The following BTK variants were observed in gnomAD, a reference collection of about 807,000 sequenced individuals.
The protein encoded by BTK is Bruton tyrosine kinase.
BTK carries 5 observed loss-of-function variants against 57.4 expected under a neutral mutation model. The ratio of observed to expected loss-of-function variants is 0.09; its 90% CI spans 0.05 to 0.18. BTK has a LOEUF of 0.18. Ranked by LOEUF, BTK falls within the 10% of genes least tolerant of loss-of-function variation. BTK has a pLI of 1.00. For synonymous variants in BTK, 154 were observed against 174.3 expected, an observed-to-expected ratio of 0.88 and a Z score of 0.92; for missense variants, 194 against 501.2, an observed-to-expected ratio of 0.39 and a Z score of 5.85.
At chrX:101,362,780 C>T (rs782609526) in intron 5 of BTK, 91 bp from the exon 6 acceptor site, 2 of 1,159,845 alleles carry the variant, frequency 1.7e-6, no homozygotes, top group East Asian at 6.0e-5. Flanking sequence ...TGGTGAACTT[C>T]AAGCAACTGC....
rs1308290485 is a variant in BTK at position 101,374,993 on chromosome X, T to C, written c.141+151A>G. 10 of 660,413 alleles carry C rather than the reference T, an allele frequency of 1.5e-5. No individual in the cohort carries two copies. The African/African-American group carries it at 2.0e-4, about 13-fold the overall frequency. The allele number at this position is 660,413 out of a possible 1,213,427, so 54.4% of individuals were successfully genotyped here. A position where few individuals can be genotyped will look rare whatever the true frequency, so the allele number is the denominator to read the frequency against. On this transcript the variant is annotated intron_variant, in intron 2 of 18. Coordinates refer to ENST00000308731, the MANE Select transcript of BTK (RefSeq NM_000061.3). ...TTGACTTTCCGGCTTTAGCTAGTTA[T>C]AGGCTAGGAAATATTTTGCTGAATT...
intron 5 of BTK, among the ~76,000 whole-genome samples, chrX:101,365,502 G>T (rs1024928273): frequency 8.9e-6 from 1 of 112,025 alleles, no homozygotes; most frequent in Non-Finnish European, 1.9e-5. Flanking sequence ...CTTAGGACAG[G>T]ATTGCAAAAG....
intron 15 of BTK, chrX:101,355,735 TC>T (rs1350830809): frequency 8.2e-5 from 28 of 340,820 alleles, no homozygotes; most frequent in African/African-American, 7.4e-4. Flanking sequence ...CCAGGAGCAG[TC>T]CCATTGGGAA....
upstream of BTK, among the ~76,000 whole-genome samples, chrX:101,386,888 A>G (rs1927625321): frequency 8.9e-6 from 1 of 111,866 alleles, no homozygotes; most frequent in African/African-American, 3.3e-5. Context: ...AAACCGGTAA[A>G]GCAGACTAGG....
rs782729119 is a variant in BTK, at chrX:101,367,728, G to T, written c.391+2270C>A. On this transcript the variant is annotated intron_variant, in intron 5 of 18. Transcript: ENST00000308731. ...ATGACTGGTTTTGAAATTAGTATAT[G>T]AAGTGTAAAGAAGTTACCAACTTGA... Among the ~76,000 whole-genome samples the T allele has an allele frequency of 6.3e-5, 7 of 111,291 alleles. No homozygotes were observed. In the South Asian group the frequency reaches 2.6e-3, roughly 41 times the overall value.
chrX:101,388,948 T>C (rs3027602), upstream of BTK, among the ~76,000 whole-genome samples: 5,507 of 111,630 alleles, frequency 0.049, 164 homozygotes, highest in South Asian at 0.12. Context: ...AGCAGGAGCA[T>C]GTCCAAAACA....
upstream of BTK, among the ~76,000 whole-genome samples, chrX:101,389,138 C>T (rs1927706113): frequency 9.0e-6 from 1 of 111,671 alleles, no homozygotes; most frequent in Non-Finnish European, 1.9e-5. Context: ...CCCATGGTAA[C>T]TATGGATGGT....
intron 9 of BTK, 145 bp from the exon 10 acceptor site, chrX:101,359,492 T>C (rs1926594885): frequency 1.6e-6 from 1 of 607,320 alleles, no homozygotes; most frequent in Non-Finnish European, 2.8e-6. Flanking sequence ...CATAGCACAC[T>C]GTATCCCTTT....
intron 18 of BTK, among the ~76,000 whole-genome samples, chrX:101,352,059 A>G (rs370604985): frequency 3.7e-5 from 4 of 107,266 alleles, no homozygotes; most frequent in African/African-American, 1.4e-4. Context: ...GCTACTCGAG[A>G]GGCTGAGGCA....
At chrX:101,353,383 T>C (rs781882779) in intron 17 of BTK, 32 bp from the exon 18 acceptor site, 2 of 1,193,633 alleles carry the variant, frequency 1.7e-6, no homozygotes. Flanking sequence ...TAAATTGGTT[T>C]GCAGTCTTTT....
chrX:101,380,858 T>C (rs146222183), intron 1 of BTK, among the ~76,000 whole-genome samples: 2,547 of 107,115 alleles, frequency 0.024, 37 homozygotes, highest in South Asian at 0.046. Context: ...CTACTAAAAA[T>C]ACAAAAACTA....
intron 5 of BTK, 31 bp downstream of exon 5, chrX:101,369,967 T>C (rs781994096): frequency 2.6e-6 from 3 of 1,161,661 alleles, no homozygotes; most frequent in African/African-American, 3.6e-5. Flanking sequence ...CTTCTTTCTT[T>C]GGAAACATTT....
chrX:101,358,792 T>G, intron 10 of BTK, 96 bp from the exon 11 acceptor site: 1 of 701,762 alleles, frequency 1.4e-6, no homozygotes, highest in Non-Finnish European at 2.3e-6. Context: ...GAACAACCCC[T>G]GATTTTACTG....
intron 1 of BTK, among the ~76,000 whole-genome samples, chrX:101,380,652 T>C (rs5951303): frequency 0.51 from 55,897 of 109,686 alleles, 12,182 homozygotes; most frequent in African/African-American, 0.85. Context: ...TTCCTAGGTA[T>C]GTTTTCATAT....
intron 9 of BTK, among the ~76,000 whole-genome samples, chrX:101,359,850 TA>T (rs1223248710): frequency 4.7e-5 from 5 of 106,080 alleles, no homozygotes; most frequent in African/African-American, 1.7e-4. Context: ...TATCTTGAAA[TA>T]AAAAATATGT....
intron 15 of BTK, among the ~76,000 whole-genome samples, chrX:101,355,081 C>A (rs1167853418): frequency 8.9e-6 from 1 of 112,008 alleles, no homozygotes; most frequent in East Asian, 2.8e-4. Context: ...GAGTTCAAGA[C>A]CAGCCTGGCC....
chrX:101,353,233 T>C lies in BTK; in HGVS notation c.1869A>G (p.Ser623=), dbSNP rs1249063959. 1 of 1,208,984 alleles carries C rather than the reference T, an allele frequency of 8.3e-7. No individual in the cohort carries two copies. Among genetic ancestry groups the C allele is most frequent in the Non-Finnish European group, 1.1e-6 (1 of 894,721 alleles). Residue 623 remains serine, a synonymous_variant, in exon 18 of 19, where the codon TCA becomes TCG. Coordinates refer to ENST00000308731, the MANE Select transcript of BTK (RefSeq NM_000061.3). Reference sequence around the variant, plus strand: ...TGTACATGATGGTATATACCTTCTCTGAAGCCAGATGAGGCCTGTAGAGAC... The same window carrying C: ...TGTACATGATGGTATATACCTTCTCCGAAGCCAGATGAGGCCTGTAGAGAC... ...GLRLYRPHLA[S]EKVYTIMYSC...
chrX:101,388,816 C>T (rs1248073116), upstream of BTK, among the ~76,000 whole-genome samples: 1 of 111,775 alleles, frequency 8.9e-6, no homozygotes, highest in Non-Finnish European at 1.9e-5. Flanking sequence ...GACATTGAGG[C>T]TTCCTTATGG....
At chrX:101,350,401 CTTT>C (rs782749965) in intron 18 of BTK, among the ~76,000 whole-genome samples, 8 of 68,711 alleles carry the variant, frequency 1.2e-4, no homozygotes, top group Admixed American at 1.6e-4. Flanking sequence ...TACCTGGGAC[CTTT>C]TTTTTTTTTT....
Sources: allele counts gnomAD v4.1 joint callset (sites outside exome capture counted in the v4.1 genomes callset), GRCh38; gene constraint gnomAD v4.1.1; transcripts MANE v1.5; gene names NCBI Gene and HGNC (gene_info 2026-07-23, HGNC 2026-07-21).